NCKAP5: variants seen among roughly 807,000 people sequenced by gnomAD.
NCKAP5 encodes the protein nck-associated protein 5.
In NCKAP5, 92 loss-of-function variants were observed where a neutral mutation model predicts 167.0. The ratio of observed to expected loss-of-function variants is 0.55; its 90% confidence interval spans 0.47 to 0.66. NCKAP5 has a LOEUF of 0.66. Among genes scored for constraint, NCKAP5 ranks in the 30% least tolerant of loss-of-function variants. The pLI, the probability that NCKAP5 is intolerant of heterozygous loss-of-function variation, is 0.00. For synonymous variants in NCKAP5, 891 were observed against 877.4 expected (o/e 1.02, Z -0.27); for missense variants, 2,378 against 2,315.0 (o/e 1.03, Z -0.56).
chr2:133,586,930 G>A, the NCKAP5 span, among the ~76,000 whole-genome samples: 1 of 152,176 alleles, frequency 6.6e-6, no homozygotes. Context: ...ACACTAAGCA[G>A]GCAAAATAAA....
At chr2:133,486,869 G>A (rs1051275667) in intron 3 of NCKAP5, among the ~76,000 whole-genome samples, 2 of 152,140 alleles carry the variant, frequency 1.3e-5, no homozygotes, top group African/African-American at 4.8e-5. Context: ...TGTATTTCCT[G>A]TAATTCAGTC....
At chr2:133,482,539 T>G (rs1267714912) in intron 3 of NCKAP5, among the ~76,000 whole-genome samples, 1 of 152,222 alleles carries the variant, frequency 6.6e-6, no homozygotes, top group African/African-American at 2.4e-5. Context: ...TATTCATTAA[T>G]TCACTGATGG....
chr2:132,760,018 A>C (rs1341907734), intron 16 of NCKAP5, among the ~76,000 whole-genome samples: 2 of 152,086 alleles, frequency 1.3e-5, no homozygotes, highest in African/African-American at 4.8e-5. Flanking sequence ...TCACATGCAA[A>C]TATAACTTAC....
rs182090540 is a variant in NCKAP5, at chr2:133,375,523, A to G, written c.70-72413T>C. On this transcript the variant is annotated intron_variant, in intron 3 of 19. Transcript: ENST00000409261. Reference sequence around the variant, plus strand: ...TGTGTGTCATGAGGGTTTGCTGTACAGGTTATTTCATCACACAGGTATTAA... The same window carrying G: ...TGTGTGTCATGAGGGTTTGCTGTACGGGTTATTTCATCACACAGGTATTAA... Among the ~76,000 whole-genome samples the G allele has an allele frequency of 1.4e-3, 210 of 152,342 alleles. 1 individual carries two copies. Among genetic ancestry groups the G allele is most frequent in the African/African-American group, 4.8e-3 (200 of 41,582 alleles).
chr2:133,407,325 C>A (rs1204727360), intron 3 of NCKAP5, among the ~76,000 whole-genome samples: 1 of 152,164 alleles, frequency 6.6e-6, no homozygotes, highest in Admixed American at 6.5e-5. Flanking sequence ...GCAGAGAAAC[C>A]AAACTAATCC....
At chr2:133,649,217 A>G in the NCKAP5 span, among the ~76,000 whole-genome samples, 2 of 150,702 alleles carry the variant, frequency 1.3e-5, no homozygotes, top group Non-Finnish European at 3.0e-5. Context: ...ACAGACCTAT[A>G]TCTAGTATGG....
intron 9 of NCKAP5, among the ~76,000 whole-genome samples, chr2:132,872,888 G>A (rs1690939829): frequency 6.6e-6 from 1 of 152,168 alleles, no homozygotes; most frequent in Non-Finnish European, 1.5e-5. Flanking sequence ...GACATGCGCA[G>A]GGGATGGGAG....
intron 4 of NCKAP5, among the ~76,000 whole-genome samples, chr2:133,248,337 T>C (rs1166127919): frequency 2.0e-5 from 3 of 152,234 alleles, no homozygotes; most frequent in African/African-American, 7.2e-5. Flanking sequence ...AAAGGGTTTC[T>C]TTTCTTCTAC....
chr2:133,668,360 G>T, the NCKAP5 span, among the ~76,000 whole-genome samples: 27 of 151,994 alleles, frequency 1.8e-4, 2 homozygotes, highest in African/African-American at 6.3e-4. Flanking sequence ...CTGCCAAACT[G>T]TTTTAAAAGT....
chr2:132,725,807 T>C (rs772164377), intron 18 of NCKAP5, 48 bp from the exon 19 acceptor site: 5 of 1,592,116 alleles, frequency 3.1e-6, no homozygotes, highest in Non-Finnish European at 4.3e-6. Context: ...CAAATCAAAA[T>C]GAGGCAGAGC....
At chr2:133,224,289 T>C (rs1347962304) in intron 4 of NCKAP5, among the ~76,000 whole-genome samples, 1 of 152,238 alleles carries the variant, frequency 6.6e-6, no homozygotes, top group Non-Finnish European at 1.5e-5. Flanking sequence ...CTTTGTGGTC[T>C]TTCTGCATCC....
chr2:132,759,938 C>T (rs908390613), intron 16 of NCKAP5, among the ~76,000 whole-genome samples: 1 of 151,590 alleles, frequency 6.6e-6, no homozygotes, highest in African/African-American at 2.4e-5. Flanking sequence ...TAACTTTCCC[C>T]CTACTTTTTC....
At chr2:132,940,674 T>C (rs1167358670) in intron 8 of NCKAP5, among the ~76,000 whole-genome samples, 4 of 152,152 alleles carry the variant, frequency 2.6e-5, no homozygotes, top group Non-Finnish European at 5.9e-5. Flanking sequence ...GGTAGGTACT[T>C]ATGATGAAAT....
chr2:132,682,736 T>G (rs1685394684), intron 19 of NCKAP5, among the ~76,000 whole-genome samples: 1 of 152,228 alleles, frequency 6.6e-6, no homozygotes. Context: ...AAGCTTCTTT[T>G]GATCTTCTTC....
At chr2:133,547,247 A>G (rs1246523585) in intron 2 of NCKAP5, among the ~76,000 whole-genome samples, 1 of 152,112 alleles carries the variant, frequency 6.6e-6, no homozygotes, top group East Asian at 1.9e-4. Flanking sequence ...AGTCTCGCTG[A>G]CTGCTAGCAC....
chr2:132,706,248 G>C (rs939086572), intron 19 of NCKAP5, among the ~76,000 whole-genome samples: 1 of 152,250 alleles, frequency 6.6e-6, no homozygotes, highest in South Asian at 2.1e-4. Flanking sequence ...CTTCCACTAA[G>C]ATGGATGATA....
chr2:132,747,604 C>T (rs1283184445), intron 16 of NCKAP5, among the ~76,000 whole-genome samples: 1 of 152,198 alleles, frequency 6.6e-6, no homozygotes, highest in African/African-American at 2.4e-5. Context: ...AGACACTCCT[C>T]TGCAGAGAGG....
At chr2:133,660,283 A>AT in the NCKAP5 span, among the ~76,000 whole-genome samples, 1 of 151,884 alleles carries the variant, frequency 6.6e-6, no homozygotes, top group South Asian at 2.1e-4. Context: ...GCCACTCACT[A>AT]TTTTTTTTCC....
chr2:132,766,315 A>T lies in NCKAP5; in HGVS notation c.5128+7501T>A, dbSNP rs1681490184. On this transcript the variant is annotated intron_variant, in intron 16 of 19. Transcript: ENST00000409261. ...AAAAAAAAAAAAAAAAGAGAAAATC[A>T]TAAGGAATGTAAACCATATGAGGCA... 2.0e-5 allele frequency among the ~76,000 whole-genome samples: 3 copies of T among 150,114 alleles called. No homozygotes were observed. In the South Asian group the frequency reaches 6.3e-4, roughly 32 times the overall value.
Sources: allele counts gnomAD v4.1 joint callset (sites outside exome capture counted in the v4.1 genomes callset), GRCh38; gene constraint gnomAD v4.1.1; transcripts MANE v1.5; gene names NCBI Gene and HGNC (gene_info 2026-07-23, HGNC 2026-07-21).